The following ZRANB3 variants were observed in gnomAD, a reference collection of about 807,000 sequenced individuals.
The protein encoded by ZRANB3 is zinc finger RANBP2-type containing 3.
A neutral mutation model predicts 133.8 loss-of-function variants in ZRANB3; 125 were observed. That is an observed-to-expected ratio of 0.93 (90% CI 0.81 to 1.08). The LOEUF (loss-of-function observed/expected upper bound fraction) is 1.08. ZRANB3 is among the 50% of genes least tolerant of loss of function. ZRANB3 has a pLI of 0.00. For missense variants in ZRANB3, 1,229 were observed against 1,275.5 expected, an observed-to-expected ratio of 0.96 and a Z score of 0.56; for synonymous variants, 387 against 432.7, an observed-to-expected ratio of 0.89 and a Z score of 1.31.
intron 1 of ZRANB3, among the ~76,000 whole-genome samples, chr2:135,525,450 G>A (rs1303018816): frequency 6.6e-6 from 1 of 152,178 alleles, no homozygotes; most frequent in African/African-American, 2.4e-5. Context: ...TTAGATTCAA[G>A]GGATAATCAG....
chr2:135,503,813 A>C (rs968101934), intron 2 of ZRANB3, among the ~76,000 whole-genome samples: 2 of 151,926 alleles, frequency 1.3e-5, no homozygotes, highest in African/African-American at 4.8e-5. Flanking sequence ...CACAACAAAA[A>C]CAAAAATTAC....
intron 2 of ZRANB3, among the ~76,000 whole-genome samples, chr2:135,391,870 C>T (rs917086307): frequency 1.3e-5 from 2 of 152,134 alleles, no homozygotes; most frequent in African/African-American, 4.8e-5. Context: ...TGAGCCACCG[C>T]GCCTGGCCGC....
intron 6 of ZRANB3, among the ~76,000 whole-genome samples, chr2:135,316,202 G>A (rs1573897036): frequency 6.6e-6 from 1 of 152,154 alleles, no homozygotes; most frequent in Admixed American, 6.5e-5. Flanking sequence ...TAACTGACTT[G>A]GCAAAAGAAA....
intron 12 of ZRANB3, among the ~76,000 whole-genome samples, chr2:135,264,436 C>T (rs555452008): frequency 1.1e-4 from 16 of 144,754 alleles, no homozygotes; most frequent in African/African-American, 4.1e-4. Context: ...CATGCCATTG[C>T]ACCCAGCCAG....
At position 135,487,781 on chromosome 2, in the gene ZRANB3, G is replaced by T. The variant is rs185566902; in HGVS notation, c.161+16548C>A. On this transcript the variant is annotated intron_variant, in intron 2 of 20. Coordinates refer to ENST00000264159, the MANE Select transcript of ZRANB3 (RefSeq NM_032143.4). Reference sequence around the variant, plus strand: ...TTGGTATACGGGAATGTTGTGACTGGTTTGATACTCTATCCACACCACTGA... The same window carrying T: ...TTGGTATACGGGAATGTTGTGACTGTTTTGATACTCTATCCACACCACTGA... Among the ~76,000 whole-genome samples the T allele has an allele frequency of 3.0e-4, 45 of 152,274 alleles. 1 individual carries two copies. Among genetic ancestry groups the T allele is most frequent in the African/African-American group, 1.1e-3 (45 of 41,546 alleles).
chr2:135,445,392 C>A (rs1179596293), intron 2 of ZRANB3, among the ~76,000 whole-genome samples: 3 of 151,176 alleles, frequency 2.0e-5, no homozygotes, highest in Non-Finnish European at 4.4e-5. Flanking sequence ...TGCAGTGAGC[C>A]AAGATGGCTC....
intron 8 of ZRANB3, among the ~76,000 whole-genome samples, chr2:135,285,002 C>T (rs550343068): frequency 1.2e-4 from 19 of 152,054 alleles, no homozygotes; most frequent in Non-Finnish European, 1.3e-4. Flanking sequence ...TGCAACACCA[C>T]GCCTGGCTAA....
chr2:135,451,497 G>A (rs564963622), intron 2 of ZRANB3, among the ~76,000 whole-genome samples: 12 of 152,062 alleles, frequency 7.9e-5, no homozygotes, highest in East Asian at 1.9e-4. Context: ...GGGAGGCGGA[G>A]GTTGCAGTCA....
intron 2 of ZRANB3, among the ~76,000 whole-genome samples, chr2:135,454,410 C>A (rs374496014): frequency 1.1e-4 from 17 of 151,500 alleles, no homozygotes; most frequent in African/African-American, 3.9e-4. Flanking sequence ...CTCTCACTCT[C>A]TCTCTTTTTA....
intron 6 of ZRANB3, among the ~76,000 whole-genome samples, chr2:135,324,899 T>C (rs1419786067): frequency 6.6e-6 from 1 of 152,230 alleles, no homozygotes. Context: ...TGTCTTTTCA[T>C]ATCCTTTGCC....
intron 8 of ZRANB3, among the ~76,000 whole-genome samples, chr2:135,305,783 C>T (rs1447548947): frequency 6.6e-6 from 1 of 152,072 alleles, no homozygotes; most frequent in East Asian, 1.9e-4. Context: ...TGATAAATTC[C>T]TTCAGTTTTT....
chr2:135,289,780 G>A (rs867588116), intron 8 of ZRANB3, among the ~76,000 whole-genome samples: 2 of 152,158 alleles, frequency 1.3e-5, no homozygotes, highest in Non-Finnish European at 1.5e-5. Flanking sequence ...GCGCATGCCT[G>A]TAATCTCAGC....
At chr2:135,357,246 G>A (rs1289828286) in intron 3 of ZRANB3, among the ~76,000 whole-genome samples, 4 of 151,844 alleles carry the variant, frequency 2.6e-5, no homozygotes, top group South Asian at 4.2e-4. Context: ...GACTACAGGC[G>A]AGTGCCACCA....
chr2:135,335,349 A>G (rs1299891083), intron 6 of ZRANB3, among the ~76,000 whole-genome samples: 1 of 152,088 alleles, frequency 6.6e-6, no homozygotes, highest in Admixed American at 6.5e-5. Context: ...CAAACATAAC[A>G]TTACATTAAC....
At chr2:135,346,281 T>C (rs1684921739) in intron 5 of ZRANB3, among the ~76,000 whole-genome samples, 1 of 152,098 alleles carries the variant, frequency 6.6e-6, no homozygotes, top group Admixed American at 6.6e-5. Flanking sequence ...TTTGTATTTT[T>C]AGTAGAGACG....
intron 17 of ZRANB3, among the ~76,000 whole-genome samples, chr2:135,211,444 G>T (rs1168778084): frequency 6.6e-6 from 1 of 152,130 alleles, no homozygotes; most frequent in Non-Finnish European, 1.5e-5. Context: ...GGGAGGCAGG[G>T]GCAGGAGAAT....
intron 2 of ZRANB3, among the ~76,000 whole-genome samples, chr2:135,445,520 G>C (rs945052023): frequency 2.6e-5 from 4 of 152,230 alleles, no homozygotes; most frequent in South Asian, 2.1e-4. Flanking sequence ...GATTGAGTGG[G>C]AGAAAATCTA....
At position 135,283,616 on chromosome 2, in the gene ZRANB3, A is replaced by G. The variant is rs76293986; in HGVS notation, c.967-7861T>C. Among the ~76,000 whole-genome samples, 738 of 98,232 alleles carry G rather than the reference A, an allele frequency of 7.5e-3. 19 individuals carry two copies. Among genetic ancestry groups the G allele is most frequent in the Admixed American group, 0.064 (631 of 9,838 alleles). The allele number at this position is 98,232 out of a possible 152,430, so 64.4% of individuals were successfully genotyped here. On this transcript the variant is annotated intron_variant, in intron 8 of 20. Transcript: ENST00000264159. ...TGGTGACAGAGCGAGACTCTGTCTA[A>G]AAAAAAAAAAAAAACTGAATTCAAT...
intron 2 of ZRANB3, among the ~76,000 whole-genome samples, chr2:135,466,753 C>A (rs1175560740): frequency 2.0e-5 from 3 of 151,674 alleles, no homozygotes; most frequent in African/African-American, 7.3e-5. Flanking sequence ...TCTCAGCTCA[C>A]TACAACCTCC....
Sources: gnomAD v4.1 joint callset for allele counts (sites outside exome capture counted in the v4.1 genomes callset) on GRCh38, gnomAD v4.1.1 for gene constraint, MANE v1.5 for transcripts, NCBI Gene and HGNC (gene_info 2026-07-23, HGNC 2026-07-21) for gene names.